Variants in MTUS1 observed in about 807,000 individuals in gnomAD.
MTUS1 encodes the protein microtubule-associated tumor suppressor 1.
Under a neutral mutation model 120.8 loss-of-function variants are expected in MTUS1, and 109 were observed. The observed-to-expected ratio is 0.90, with a 90% CI of 0.77 to 1.06. The LOEUF (loss-of-function observed/expected upper bound fraction) is 1.06, where lower values mean the gene tolerates loss of function less well. MTUS1 is among the 50% of genes least tolerant of loss of function. The probability of loss-of-function intolerance (pLI) is 0.00; values close to 1 mark genes in which losing one functional copy is unlikely to be tolerated. For synonymous variants in MTUS1, 737 were observed against 550.5 expected (o/e 1.34, Z -4.74); for missense variants, 2,210 against 1,486.3 (o/e 1.49, Z -8.01).
chr8:17,735,595 A>G (rs2046870479), intron 3 of MTUS1, among the ~76,000 whole-genome samples: 1 of 152,188 alleles, frequency 6.6e-6, no homozygotes, highest in African/African-American at 2.4e-5. Flanking sequence ...CACCCTCAGC[A>G]ACCCCAGCAG....
chr8:17,662,093 A>G (rs1809860186), intron 8 of MTUS1, among the ~76,000 whole-genome samples: 1 of 152,082 alleles, frequency 6.6e-6, no homozygotes, highest in African/African-American at 2.4e-5. Context: ...ATTTTAGGCC[A>G]TGGACTTTCC....
chr8:17,691,385 A>T (rs1036589358), intron 6 of MTUS1: 1 of 152,268 alleles, frequency 6.6e-6, no homozygotes, highest in Non-Finnish European at 1.5e-5. Context: ...GCAGATATTC[A>T]TGTCACGGCA....
chr8:17,649,770 G>C, intron 13 of MTUS1, 76 bp downstream of exon 13: 1 of 804,270 alleles, frequency 1.2e-6, no homozygotes, highest in Admixed American at 1.9e-5. Context: ...CAACTCCACA[G>C]TTCTAAAATG....
chr8:17,712,266 T>C (rs1215871875), intron 6 of MTUS1, among the ~76,000 whole-genome samples: 6 of 152,180 alleles, frequency 3.9e-5, no homozygotes, highest in African/African-American at 1.4e-4. Context: ...ATAACTGTTT[T>C]ATCACTGTAT....
intron 1 of MTUS1, among the ~76,000 whole-genome samples, chr8:17,759,289 G>C (rs1446153512): frequency 6.7e-6 from 1 of 149,190 alleles, no homozygotes; most frequent in East Asian, 2.0e-4. Flanking sequence ...TTTGAGACAA[G>C]GTCTCACTTT....
chr8:17,746,257 T>A lies in MTUS1; in HGVS notation c.2092-2458A>T, dbSNP rs1208402047. On this transcript the variant is annotated intron_variant, in intron 2 of 14. Coordinates refer to ENST00000693296, the MANE Select transcript of MTUS1 (RefSeq NM_001363059.2). ...CAATTGCCACGTGTACACTGGTACATCCAAATCCACATGTTCAACCAGTAC... is the reference window on the plus strand; with the variant it reads ...CAATTGCCACGTGTACACTGGTACAACCAAATCCACATGTTCAACCAGTAC... 2.6e-5 allele frequency among the ~76,000 whole-genome samples: 4 copies of A among 152,166 alleles called. No individual in the cohort carries two copies. The South Asian group carries it at 8.3e-4, about 32-fold the overall frequency.
At chr8:17,791,623 G>A (rs1299441620) in intron 1 of MTUS1, among the ~76,000 whole-genome samples, 1 of 152,126 alleles carries the variant, frequency 6.6e-6, no homozygotes, top group Non-Finnish European at 1.5e-5. Flanking sequence ...CAGCTCACTA[G>A]ACTTAAACTT....
At chr8:17,773,737 A>C (rs2050186566) in intron 1 of MTUS1, among the ~76,000 whole-genome samples, 1 of 152,176 alleles carries the variant, frequency 6.6e-6, no homozygotes, top group Non-Finnish European at 1.5e-5. Context: ...ACCTCCAAAC[A>C]TATAAAATTT....
chr8:17,695,485 A>G (rs34393160), intron 6 of MTUS1, among the ~76,000 whole-genome samples: 44,359 of 152,168 alleles, frequency 0.29, 7,577 homozygotes, highest in Non-Finnish European at 0.39. Context: ...CTGCAAATAA[A>G]CAGAAAATAG....
chr8:17,748,440 G>T (rs2047934317), intron 2 of MTUS1, among the ~76,000 whole-genome samples: 1 of 152,066 alleles, frequency 6.6e-6, no homozygotes, highest in East Asian at 1.9e-4. Flanking sequence ...ACCAACTTTG[G>T]GTACCCAAAA....
intron 3 of MTUS1, among the ~76,000 whole-genome samples, chr8:17,740,208 AAAAAAAAAAAAG>A (rs111632429): frequency 0.19 from 25,407 of 132,768 alleles, 2,224 homozygotes; most frequent in Middle Eastern, 0.26. Context: ...ACTCCGTCTC[AAAAAAAAAAAAG>A]GAAAAGAAAA....
chr8:17,736,347 C>T (rs1252738033), intron 3 of MTUS1, among the ~76,000 whole-genome samples: 1 of 152,152 alleles, frequency 6.6e-6, no homozygotes, highest in African/African-American at 2.4e-5. Flanking sequence ...TCCTCCAGCC[C>T]CCACCACACA....
At chr8:17,657,214 A>G (rs1318794097) in intron 8 of MTUS1, among the ~76,000 whole-genome samples, 1 of 151,998 alleles carries the variant, frequency 6.6e-6, no homozygotes, top group African/African-American at 2.4e-5. Context: ...GGAAAAAAAA[A>G]CACATCTTAA....
chr8:17,693,688 G>C (rs1254966843), intron 6 of MTUS1, among the ~76,000 whole-genome samples: 1 of 152,116 alleles, frequency 6.6e-6, no homozygotes. Context: ...TCTACTGGAG[G>C]ACCTGGATTA....
rs183954844 is a variant in MTUS1, at chr8:17,784,915, G to T, written c.-155+16146C>A. ...TTCTCGGGCCTCAGCTGCCTGAGTA[G>T]CTGGGATTATAAGTGTGCACCACCA... On this transcript the variant is annotated intron_variant, in intron 1 of 14. Coordinates refer to ENST00000693296, the MANE Select transcript of MTUS1 (RefSeq NM_001363059.2). Among the ~76,000 whole-genome samples, 156 of 152,100 alleles carry T rather than the reference G, an allele frequency of 1.0e-3. 1 individual carries two copies. Among genetic ancestry groups the T allele is most frequent in the Admixed American group, 8.7e-3 (133 of 15,290 alleles).
chr8:17,714,451 G>C (rs1019877787), intron 5 of MTUS1, among the ~76,000 whole-genome samples: 1 of 151,968 alleles, frequency 6.6e-6, no homozygotes, highest in Non-Finnish European at 1.5e-5. Flanking sequence ...CCTCCTTCTG[G>C]GATATCCACA....
intron 8 of MTUS1, among the ~76,000 whole-genome samples, chr8:17,665,842 T>TA (rs769406584): frequency 1.3e-5 from 2 of 152,050 alleles, no homozygotes; most frequent in Non-Finnish European, 2.9e-5. Context: ...ATAAGGCAGG[T>TA]AAAAAAATGA....
intron 3 of MTUS1, 166 bp from the exon 4 acceptor site, chr8:17,723,999 A>G (rs766926480): frequency 4.7e-5 from 29 of 614,954 alleles, no homozygotes; most frequent in African/African-American, 9.2e-5. Flanking sequence ...TCACGCAGAC[A>G]TGTTTATTTT....
chr8:17,658,135 T>C (rs1284176647), intron 8 of MTUS1, among the ~76,000 whole-genome samples: 1 of 151,146 alleles, frequency 6.6e-6, no homozygotes, highest in African/African-American at 2.4e-5. Flanking sequence ...ACTCCCAGGT[T>C]CAAGCGATTC....
Sources: allele counts gnomAD v4.1 joint callset (sites outside exome capture counted in the v4.1 genomes callset), GRCh38; gene constraint gnomAD v4.1.1; transcripts MANE v1.5; gene names NCBI Gene and HGNC (gene_info 2026-07-23, HGNC 2026-07-21).